ADCY9: variants seen among roughly 807,000 people sequenced by gnomAD.
The protein encoded by ADCY9 is adenylate cyclase type 9.
ADCY9 carries 50 observed loss-of-function variants against 101.5 expected under a neutral mutation model. The observed-to-expected ratio is 0.49, with a 90% confidence interval of 0.39 to 0.62. The LOEUF (loss-of-function observed/expected upper bound fraction) is 0.62, where lower values mean the gene tolerates loss of function less well. ADCY9 is among the 20% of genes least tolerant of loss of function. The pLI is 0.00. For missense variants in ADCY9, 1,662 were observed against 1,800.4 expected, an observed-to-expected ratio of 0.92 and a Z score of 1.39; for synonymous variants, 905 against 769.3, an observed-to-expected ratio of 1.18 and a Z score of -2.92.
chr16:4,017,874 C>T (rs1056447531), intron 2 of ADCY9, among the ~76,000 whole-genome samples: 33 of 152,172 alleles, frequency 2.2e-4, no homozygotes, highest in South Asian at 2.1e-4. Context: ...AACGCCGGGC[C>T]GACACCCACA....
At chr16:4,023,031 T>C (rs1458202462) in intron 2 of ADCY9, among the ~76,000 whole-genome samples, 1 of 152,150 alleles carries the variant, frequency 6.6e-6, no homozygotes, top group South Asian at 2.1e-4. Context: ...ATCACATCTC[T>C]ACAACGGTGG....
chr16:3,955,989 A>C (rs1385861097), intron 5 of ADCY9, among the ~76,000 whole-genome samples: 1 of 152,134 alleles, frequency 6.6e-6, no homozygotes, highest in Admixed American at 6.5e-5. Context: ...CAGCCTCCCA[A>C]GTAGCTGGGA....
intron 2 of ADCY9, among the ~76,000 whole-genome samples, chr16:4,091,580 T>C (rs951770624): frequency 7.2e-5 from 11 of 152,254 alleles, no homozygotes; most frequent in Admixed American, 5.2e-4. Flanking sequence ...AATGGAAGAA[T>C]GGAAAAACAA....
intron 2 of ADCY9, among the ~76,000 whole-genome samples, chr16:4,038,669 G>C (rs2056606656): frequency 6.6e-6 from 1 of 152,114 alleles, no homozygotes; most frequent in African/African-American, 2.4e-5. Context: ...GAACAGAGTA[G>C]TTGGGTCTCA....
At chr16:4,055,645 A>G (rs2056732975) in intron 2 of ADCY9, among the ~76,000 whole-genome samples, 1 of 152,076 alleles carries the variant, frequency 6.6e-6, no homozygotes, top group Non-Finnish European at 1.5e-5. Flanking sequence ...CATCCCGGCT[A>G]ACACGGTGAA....
chr16:4,081,847 G>C (rs1298941958), intron 2 of ADCY9, among the ~76,000 whole-genome samples: 1 of 150,996 alleles, frequency 6.6e-6, no homozygotes. Flanking sequence ...TGTGTCTGCA[G>C]TGGCGTGTGG....
chr16:3,968,137 A>G (rs1260396202), intron 10 of ADCY9, among the ~76,000 whole-genome samples: 1 of 152,010 alleles, frequency 6.6e-6, no homozygotes. Context: ...ATTCTCTGAT[A>G]TATTTGGTTC....
rs58405837 is a variant in ADCY9 at position 3,992,532 on chromosome 16, A to G, written c.1990-169T>C. ...CCCCTGCGCCTACAGACCTGCTCCA[A>G]TCCCAGCCCTGACTGCCCGTCTGCT... On this transcript the variant is annotated intron_variant, in intron 4 of 10. Coordinates refer to ENST00000294016, the MANE Select transcript of ADCY9 (RefSeq NM_001116.4). This position sits in a 1 kb window ranked among gnomAD's most constrained non-coding sequence, Gnocchi z 4.2. Among the ~76,000 whole-genome samples, 1,703 of 152,220 alleles carry G rather than the reference A, an allele frequency of 0.011. 25 individuals carry two copies. Among genetic ancestry groups the G allele is most frequent in the African/African-American group, 0.039 (1,618 of 41,554 alleles).
chr16:3,977,330 G>T, intron 9 of ADCY9, 152 bp downstream of exon 9: 3 of 968,780 alleles, frequency 3.1e-6, no homozygotes, highest in Non-Finnish European at 4.5e-6. Context: ...TTAGCTCTTT[G>T]GTATGATGTG....
intron 2 of ADCY9, among the ~76,000 whole-genome samples, chr16:4,034,981 G>C (rs934356326): frequency 1.3e-5 from 2 of 152,226 alleles, no homozygotes; most frequent in African/African-American, 2.4e-5. Context: ...ATCTGGCACA[G>C]CAGCTGTAAC....
intron 2 of ADCY9, among the ~76,000 whole-genome samples, chr16:4,087,309 CA>C (rs1348891908): frequency 6.6e-6 from 1 of 151,830 alleles, no homozygotes; most frequent in Non-Finnish European, 1.5e-5. Context: ...CTGAGGCAGG[CA>C]GACTGGTTGA....
chr16:4,096,151 C>T (rs979748012), intron 2 of ADCY9, among the ~76,000 whole-genome samples: 1 of 152,066 alleles, frequency 6.6e-6, no homozygotes, highest in Non-Finnish European at 1.5e-5. Context: ...CTCACACACG[C>T]CCTGCAATTT....
At chr16:4,102,740 G>T (rs1053930033) in intron 2 of ADCY9, among the ~76,000 whole-genome samples, 1 of 149,638 alleles carries the variant, frequency 6.7e-6, no homozygotes, top group East Asian at 2.0e-4. Context: ...TTTGTTTTTT[G>T]AGGCAGAGTC....
chr16:3,955,496 T>C (rs76884330), intron 5 of ADCY9, among the ~76,000 whole-genome samples: 2,078 of 152,318 alleles, frequency 0.014, 53 homozygotes, highest in African/African-American at 0.047. Flanking sequence ...AGGCATCAGG[T>C]TGGATGAGGA....
At chr16:4,009,495 G>T (rs1597162190) in intron 2 of ADCY9, among the ~76,000 whole-genome samples, 1 of 152,156 alleles carries the variant, frequency 6.6e-6, no homozygotes, top group Non-Finnish European at 1.5e-5. Flanking sequence ...AGACTCAAGT[G>T]ATCCGCCCAT....
At chr16:4,052,942 G>A (rs948179407) in intron 2 of ADCY9, among the ~76,000 whole-genome samples, 1 of 152,108 alleles carries the variant, frequency 6.6e-6, no homozygotes, top group Non-Finnish European at 1.5e-5. Context: ...CAAGTGCACG[G>A]GGAACAACAG....
At chr16:3,978,046 T>A (rs2056107860) in intron 8 of ADCY9, among the ~76,000 whole-genome samples, 1 of 152,134 alleles carries the variant, frequency 6.6e-6, no homozygotes, top group African/African-American at 2.4e-5. Flanking sequence ...AACCTAAAAA[T>A]ATCACCGATA....
intron 2 of ADCY9, among the ~76,000 whole-genome samples, chr16:4,011,064 A>G (rs2056401078): frequency 6.6e-6 from 1 of 152,064 alleles, no homozygotes; most frequent in African/African-American, 2.4e-5. Flanking sequence ...TTATTGCTTC[A>G]CAAGCAGATG....
At chr16:4,006,608 G>C (rs78222981) in intron 3 of ADCY9, among the ~76,000 whole-genome samples, 1 of 152,272 alleles carries the variant, frequency 6.6e-6, no homozygotes, top group East Asian at 1.9e-4. Flanking sequence ...ACACAAAGCA[G>C]CATAGGAGAG....
Sources: allele counts gnomAD v4.1 joint callset (sites outside exome capture counted in the v4.1 genomes callset), GRCh38; gene constraint gnomAD v4.1.1; non-coding constraint Gnocchi (gnomAD v3.1); transcripts MANE v1.5; gene names NCBI Gene and HGNC (gene_info 2026-07-23, HGNC 2026-07-21).